The following DMD variants were observed in gnomAD, a reference collection of about 807,000 sequenced individuals.
DMD encodes mutant dystrophin.
Under a neutral mutation model 330.1 loss-of-function variants are expected in DMD, and 63 were observed. The ratio of observed to expected loss-of-function variants is 0.19; its 90% CI spans 0.16 to 0.24. The LOEUF is 0.24. DMD is among the 10% of genes least tolerant of loss of function. DMD has a pLI of 1.00. For missense variants in DMD, 3,344 were observed against 2,684.1 expected (o/e 1.25, Z -5.43); for synonymous variants, 1,223 against 959.8 (o/e 1.27, Z -5.07).
intron 47 of DMD, among the ~76,000 whole-genome samples, chrX:31,918,987 C>G (rs1220369923): frequency 2.7e-5 from 3 of 111,615 alleles, no homozygotes; most frequent in Non-Finnish European, 3.8e-5. Flanking sequence ...TTGTCTGCTC[C>G]CAAACTATAT....
intron 34 of DMD, among the ~76,000 whole-genome samples, chrX:32,370,906 G>A (rs951012467): frequency 1.8e-5 from 2 of 111,062 alleles, no homozygotes; most frequent in Admixed American, 9.7e-5. Flanking sequence ...TTAGGCTCTC[G>A]TCAGACAGCT....
chrX:31,899,485 T>C (rs2094393594), intron 47 of DMD, among the ~76,000 whole-genome samples: 1 of 110,895 alleles, frequency 9.0e-6, no homozygotes, highest in African/African-American at 3.3e-5. Context: ...AACCAACTGA[T>C]GAACAAATAC....
chrX:32,704,555 A>G lies in DMD; in HGVS notation c.650-5262T>C, dbSNP rs146112734. On this transcript the variant is annotated intron_variant, in intron 7 of 78. Coordinates refer to ENST00000357033, the MANE Select transcript of DMD (RefSeq NM_004006.3). The stretch of plus-strand genomic sequence containing the variant: ...TAATGCATAGCATGTGTAATTGAAA[A>G]CAAGCAAGATTTCAAAGATAGCAGG... Among the ~76,000 whole-genome samples, 38 of 112,254 alleles carry G rather than the reference A, an allele frequency of 3.4e-4. 1 individual carries two copies. The East Asian group carries it at 0.01, about 31-fold the overall frequency.
At chrX:32,676,108 C>T (rs1055767541) in intron 9 of DMD, among the ~76,000 whole-genome samples, 16 of 111,502 alleles carry the variant, frequency 1.4e-4, no homozygotes, top group Non-Finnish European at 1.9e-4. Context: ...TTAAAAATTT[C>T]ATCTTTTATC....
At chrX:32,774,863 T>C (rs1373619754) in intron 7 of DMD, among the ~76,000 whole-genome samples, 1 of 111,802 alleles carries the variant, frequency 8.9e-6, no homozygotes, top group Non-Finnish European at 1.9e-5. Flanking sequence ...AAGTCTTAAC[T>C]CATTTCGGCA....
intron 45 of DMD, among the ~76,000 whole-genome samples, chrX:31,950,385 AG>A (rs1164345987): frequency 1.8e-5 from 2 of 111,330 alleles, no homozygotes; most frequent in Non-Finnish European, 3.8e-5. Flanking sequence ...GAGTGTATTG[AG>A]ATTTGTTTTT....
Position 33,037,172 on chromosome X carries a change from T to C in DMD, c.32-16972A>G, listed in dbSNP as rs763690694. 1.9e-4 allele frequency among the ~76,000 whole-genome samples: 21 copies of C among 111,705 alleles called. No individual in the cohort carries two copies. The Admixed American group carries it at 1.9e-3, about 10-fold the overall frequency. On this transcript the variant is annotated intron_variant, in intron 1 of 78. Coordinates refer to ENST00000357033, the MANE Select transcript of DMD (RefSeq NM_004006.3). ...ATAGTTCAAATTTGGTATAAGTTATTTGTAGCCAAGTGTCCTAATTAATAC... is the reference window on the plus strand; with the variant it reads ...ATAGTTCAAATTTGGTATAAGTTATCTGTAGCCAAGTGTCCTAATTAATAC...
chrX:32,151,948 T>A (rs1008878740), intron 44 of DMD, among the ~76,000 whole-genome samples: 6 of 112,029 alleles, frequency 5.4e-5, no homozygotes, highest in Non-Finnish European at 5.6e-5. Context: ...ACTGCTTCTT[T>A]ATATCTTGGA....
At chrX:32,679,901 ACTTT>A (rs2062256609) in intron 9 of DMD, among the ~76,000 whole-genome samples, 2 of 30,950 alleles carry the variant, frequency 6.5e-5, no homozygotes, top group African/African-American at 2.6e-4. Flanking sequence ...TAATATTTGT[ACTTT>A]TTTTTTTTTT....
At chrX:31,512,979 C>T (rs1380295924) in intron 55 of DMD, among the ~76,000 whole-genome samples, 18 of 106,382 alleles carry the variant, frequency 1.7e-4, no homozygotes, top group Non-Finnish European at 2.5e-4. Flanking sequence ...ATGGAATGTT[C>T]TTCCATTTGT....
At position 31,646,203 on chromosome X, in the gene DMD, T is replaced by G. The variant is rs148565311; in HGVS notation, c.8027+11787A>C. On this transcript the variant is annotated intron_variant, in intron 54 of 78. Coordinates refer to ENST00000357033, the MANE Select transcript of DMD (RefSeq NM_004006.3). The stretch of plus-strand genomic sequence containing the variant: ...ATGCTTAAATTTATTCGGCCTAAGA[T>G]CCCCTTTGGCTTTCCTTTCCCACTG... Among the ~76,000 whole-genome samples the G allele has an allele frequency of 3.8e-4, 42 of 111,305 alleles. 1 individual carries two copies. The East Asian group carries it at 0.011, about 30-fold the overall frequency.
intron 51 of DMD, among the ~76,000 whole-genome samples, chrX:31,738,019 A>G (rs1429618932): frequency 8.9e-6 from 1 of 112,136 alleles, no homozygotes; most frequent in African/African-American, 3.2e-5. Flanking sequence ...TGAGGTTTTG[A>G]ATTTTATCAC....
intron 60 of DMD, among the ~76,000 whole-genome samples, chrX:31,365,747 T>C (rs2059196431): frequency 8.9e-6 from 1 of 112,813 alleles, no homozygotes; most frequent in Non-Finnish European, 1.9e-5. Flanking sequence ...TTTCCATCAA[T>C]AATTGTCTGC....
At chrX:32,329,476 A>G (rs1159083321) in intron 41 of DMD, among the ~76,000 whole-genome samples, 1 of 112,048 alleles carries the variant, frequency 8.9e-6, no homozygotes, top group Non-Finnish European at 1.9e-5. Context: ...GTAGCAGATT[A>G]AAGAGACCCT....
intron 43 of DMD, among the ~76,000 whole-genome samples, chrX:32,286,006 G>A (rs1160719173): frequency 1.8e-5 from 2 of 111,427 alleles, no homozygotes; most frequent in African/African-American, 6.5e-5. Context: ...GCCCTGGAAG[G>A]TGCAGTGAGA....
At chrX:32,923,701 A>G (rs950510605) in intron 2 of DMD, among the ~76,000 whole-genome samples, 1 of 112,142 alleles carries the variant, frequency 8.9e-6, no homozygotes, top group African/African-American at 3.2e-5. Context: ...TGTAGTGGTG[A>G]TGTAAAAAGA....
chrX:31,180,260 C>T (rs746295507), intron 69 of DMD, 110 bp downstream of exon 69: 10 of 600,909 alleles, frequency 1.7e-5, no homozygotes, highest in Admixed American at 2.5e-5. Flanking sequence ...AGCTGGGGAA[C>T]ATCTGGGGAA....
chrX:32,779,700 TGG>T (rs1569519068), intron 7 of DMD, among the ~76,000 whole-genome samples: 3 of 29,164 alleles, frequency 1.0e-4, no homozygotes, highest in African/African-American at 3.2e-4. Flanking sequence ...ATACGGCCTG[TGG>T]TGGGGTGGGG....
intron 7 of DMD, among the ~76,000 whole-genome samples, chrX:32,702,368 G>A (rs185962144): frequency 8.1e-5 from 9 of 111,508 alleles, no homozygotes; most frequent in African/African-American, 1.3e-4. Context: ...TGAGGGAATG[G>A]GGAAGAGTAT....
Sources: gnomAD v4.1 joint callset for allele counts (sites outside exome capture counted in the v4.1 genomes callset) on GRCh38, gnomAD v4.1.1 for gene constraint, MANE v1.5 for transcripts, NCBI Gene and HGNC (gene_info 2026-07-23, HGNC 2026-07-21) for gene names.